Variants in EPB41L5 observed in about 807,000 individuals in gnomAD.
The protein encoded by EPB41L5 is band 4.1-like protein 5.
In EPB41L5, 55 loss-of-function variants were observed where a neutral mutation model predicts 106.6. The observed-to-expected ratio is 0.52, with a 90% CI of 0.42 to 0.65. The LOEUF is 0.65. Ranked by LOEUF, EPB41L5 falls within the 30% of genes least tolerant of loss-of-function variation. The pLI is 0.00. For synonymous variants in EPB41L5, 297 were observed against 306.7 expected (o/e 0.97, Z 0.33); for missense variants, 871 against 882.1 (o/e 0.99, Z 0.16).
chr2:120,091,978 C>A (rs1464280626), intron 13 of EPB41L5, among the ~76,000 whole-genome samples: 4 of 151,848 alleles, frequency 2.6e-5, no homozygotes, highest in African/African-American at 9.7e-5. Context: ...TAAAACATCC[C>A]TTAATCCCCT....
intron 17 of EPB41L5, among the ~76,000 whole-genome samples, chr2:120,129,110 A>G: frequency 6.6e-6 from 1 of 152,168 alleles, no homozygotes; most frequent in Non-Finnish European, 1.5e-5. Context: ...AGATCAGTAG[A>G]AGCCCAAACC....
Position 120,178,866 on chromosome 2 carries a change from C to T in EPB41L5, c.*3959C>T, listed in dbSNP as rs1327734458. 6.6e-6 allele frequency: 1 copy of T among 152,162 alleles called. No homozygotes were observed. The highest frequency in any genetic ancestry group is 1.5e-5 in the Non-Finnish European group (1 of 68,044). The allele number at this position is 152,162 out of a possible 1,614,324, so 9.4% of individuals were successfully genotyped here. A position where few individuals can be genotyped will look rare whatever the true frequency, so the allele number is the denominator to read the frequency against. On this transcript the variant is annotated 3_prime_UTR_variant, in exon 25 of 25. Coordinates refer to ENST00000263713, the MANE Select transcript of EPB41L5 (RefSeq NM_020909.4). The stretch of plus-strand genomic sequence containing the variant: ...TTTTTTATAGCACAGATTCCTTTGC[C>T]CCTTTTATCTCCTTATCTGGATATG...
At chr2:120,043,239 C>A (rs186207010) in intron 3 of EPB41L5, among the ~76,000 whole-genome samples, 3 of 152,076 alleles carry the variant, frequency 2.0e-5, no homozygotes, top group African/African-American at 7.2e-5. Flanking sequence ...CTATGCAGCT[C>A]ATTAAAAATA....
At chr2:120,110,676 C>T (rs1684686755) in intron 16 of EPB41L5, among the ~76,000 whole-genome samples, 1 of 150,062 alleles carries the variant, frequency 6.7e-6, no homozygotes, top group South Asian at 2.1e-4. Flanking sequence ...TCACTCTTGC[C>T]GAGGCTGGAG....
chr2:120,018,611 T>C (rs1003879982), intron 1 of EPB41L5, among the ~76,000 whole-genome samples: 1 of 152,214 alleles, frequency 6.6e-6, no homozygotes, highest in African/African-American at 2.4e-5. Context: ...ATGATTTTTT[T>C]TTTCAAATTT....
At chr2:120,144,941 A>T (rs530336732) in intron 19 of EPB41L5, among the ~76,000 whole-genome samples, 1 of 152,332 alleles carries the variant, frequency 6.6e-6, no homozygotes, top group South Asian at 2.1e-4. Context: ...AAAATTCAAC[A>T]CCTGTTCATG....
intron 14 of EPB41L5, among the ~76,000 whole-genome samples, chr2:120,099,695 G>A (rs549770726): frequency 4.5e-4 from 68 of 152,168 alleles, no homozygotes; most frequent in African/African-American, 1.6e-3. Flanking sequence ...CAAAGTGCTG[G>A]GATTACAGGC....
At chr2:120,063,340 CA>C (rs1174086865) in intron 3 of EPB41L5, among the ~76,000 whole-genome samples, 3,813 of 56,076 alleles carry the variant, frequency 0.068, 45 homozygotes, top group African/African-American at 0.12. Context: ...GACTTTGTCT[CA>C]AAAAAAAAAA....
At chr2:120,135,738 A>T (rs901595741) in intron 18 of EPB41L5, among the ~76,000 whole-genome samples, 10 of 152,152 alleles carry the variant, frequency 6.6e-5, no homozygotes, top group African/African-American at 2.4e-4. Flanking sequence ...AAAATAGTAT[A>T]TCCATGTTTG....
chr2:120,056,540 C>A (rs1680666405), intron 3 of EPB41L5, among the ~76,000 whole-genome samples: 1 of 152,176 alleles, frequency 6.6e-6, no homozygotes, highest in South Asian at 2.1e-4. Context: ...TGCAAGCGAT[C>A]CTTTTGCCTC....
chr2:120,074,005 G>A (rs552819825), intron 4 of EPB41L5, 95 bp from the exon 5 acceptor site: 201 of 884,094 alleles, frequency 2.3e-4, no homozygotes, highest in Non-Finnish European at 2.9e-4. Flanking sequence ...CTCATCTTTT[G>A]TCTCACTTCA....
Position 120,174,860 on chromosome 2 carries a change from G to C in EPB41L5, c.2155G>C (p.Glu719Gln). The C allele has an allele frequency of 6.2e-7, 1 of 1,614,162 alleles. No individual in the cohort carries two copies. The part of the protein sequence containing the change: ...AVTSSGPILA[E>Q]EAVLKQKCLL... ...TTTCAGCTCTGGTCCCATTTTGGCA[G>C]AAGAAGCTGTCCTGAAGCAGAAGTG... The change falls in exon 25 of 25, where the codon GAA becomes CAA. Residue 719 changes from glutamate to glutamine, a missense_variant. Physicochemically the swap from Glu to Gln is conservative, Grantham distance 29. Transcript: ENST00000263713.
intron 24 of EPB41L5, among the ~76,000 whole-genome samples, chr2:120,173,837 C>A (rs1434820233): frequency 6.6e-6 from 1 of 152,146 alleles, no homozygotes; most frequent in Non-Finnish European, 1.5e-5. Flanking sequence ...ATATACCACC[C>A]TCACCTGGCT....
intron 3 of EPB41L5, among the ~76,000 whole-genome samples, chr2:120,060,470 T>C (rs952392548): frequency 6.6e-6 from 1 of 152,192 alleles, no homozygotes; most frequent in Non-Finnish European, 1.5e-5. Flanking sequence ...CTTGGATGGA[T>C]TTCAGAGGGC....
At chr2:120,035,399 G>GT (rs1453341261) in intron 2 of EPB41L5, among the ~76,000 whole-genome samples, 4 of 152,112 alleles carry the variant, frequency 2.6e-5, no homozygotes, top group African/African-American at 7.2e-5. Flanking sequence ...ATGCCTGGCT[G>GT]TTTTTTTCTT....
chr2:120,137,881 CCAGA>C (rs1467046876), intron 18 of EPB41L5, among the ~76,000 whole-genome samples: 2 of 151,974 alleles, frequency 1.3e-5, no homozygotes, highest in Admixed American at 6.6e-5. Flanking sequence ...GATAACAAAA[CCAGA>C]CAAAGATACC....
At chr2:120,100,364 A>C (rs1684060553) in intron 15 of EPB41L5, 78 bp downstream of exon 15, 2 of 1,358,770 alleles carry the variant, frequency 1.5e-6, no homozygotes, top group Admixed American at 3.5e-5. Flanking sequence ...TTGGATTTTC[A>C]TAGTGGTGTA....
chr2:120,016,947 TA>T (rs1435189282), intron 1 of EPB41L5, among the ~76,000 whole-genome samples: 2 of 152,252 alleles, frequency 1.3e-5, no homozygotes, highest in African/African-American at 4.8e-5. Context: ...GTTATCTAAC[TA>T]AAATTTTAGT....
chr2:120,135,897 T>G (rs750775519), intron 18 of EPB41L5, among the ~76,000 whole-genome samples: 7 of 152,150 alleles, frequency 4.6e-5, no homozygotes, highest in Non-Finnish European at 7.4e-5. Flanking sequence ...AATCATCTGA[T>G]GGTACACAAC....
Sources: allele counts gnomAD v4.1 joint callset (sites outside exome capture counted in the v4.1 genomes callset), GRCh38; gene constraint gnomAD v4.1.1; transcripts MANE v1.5; gene names NCBI Gene and HGNC (gene_info 2026-07-23, HGNC 2026-07-21).